KCNK6: variants seen among roughly 807,000 people sequenced by gnomAD.
The protein encoded by KCNK6 is potassium two pore domain channel subfamily K member 6.
Under a neutral mutation model 21.9 loss-of-function variants are expected in KCNK6, and 20 were observed. The ratio of observed to expected loss-of-function variants is 0.91; its 90% CI spans 0.64 to 1.32. KCNK6 has a LOEUF of 1.32. KCNK6 is among the 40% of genes most tolerant of loss of function. The pLI, the probability that KCNK6 is intolerant of heterozygous loss-of-function variation, is 0.00. For synonymous variants in KCNK6, 210 were observed against 218.0 expected (o/e 0.96, Z 0.32); for missense variants, 415 against 433.1 (o/e 0.96, Z 0.37).
chr19:38,320,290 C>A lies in KCNK6; in HGVS notation c.322+18C>A, dbSNP rs750280781. 6.2e-7 allele frequency: 1 copy of A among 1,603,640 alleles called. No homozygotes were observed. Among genetic ancestry groups the A allele is most frequent in the East Asian group, 2.2e-5 (1 of 44,546 alleles). ...CACCGTGGGTACGTAAGCGCCTCACCGCAAGGCGGCGAGGACCCGGGATCC... is the reference window on the plus strand; with the variant it reads ...CACCGTGGGTACGTAAGCGCCTCACAGCAAGGCGGCGAGGACCCGGGATCC... On this transcript the variant is annotated intron_variant, in intron 1 of 2. Transcript: ENST00000263372.
chr19:38,320,130 C>A lies in KCNK6; in HGVS notation c.180C>A (p.Asp60Glu). 2 of 1,588,528 alleles carry A rather than the reference C, an allele frequency of 1.3e-6. No individual in the cohort carries two copies. The highest frequency in any genetic ancestry group is 1.7e-6 in the Non-Finnish European group (2 of 1,174,742). The change falls in exon 1 of 3, where the codon GAC becomes GAA. Residue 60 changes from aspartate to glutamate, a missense_variant. By Grantham distance (45) the Asp-to-Glu change is conservative. Transcript: ENST00000263372. ...RSPCVAAPAL[D>E]AFVERVLAAG... The stretch of plus-strand genomic sequence containing the variant: ...CGTGTGTGGCTGCCCCCGCCCTGGA[C>A]GCCTTCGTGGAGCGAGTGCTGGCGG...
chr19:38,321,530 C>T (rs1247229107), intron 1 of KCNK6, among the ~76,000 whole-genome samples: 1 of 152,240 alleles, frequency 6.6e-6, no homozygotes, highest in South Asian at 2.1e-4. Context: ...CCTGAGAAGC[C>T]AGACTTGGGA....
intron 1 of KCNK6, among the ~76,000 whole-genome samples, chr19:38,322,554 C>T (rs1181341981): frequency 2.0e-5 from 3 of 152,236 alleles, no homozygotes; most frequent in Non-Finnish European, 4.4e-5. Context: ...CAGTGGCTTA[C>T]GCCTATAATC....
intron 1 of KCNK6, chr19:38,325,586 T>C (rs1367841844): frequency 1.6e-5 from 15 of 963,232 alleles, no homozygotes; most frequent in East Asian, 1.1e-4. Flanking sequence ...CGGTAAACCA[T>C]AGAGCATGCT....
At chr19:38,323,287 T>C (rs895052941) in intron 1 of KCNK6, among the ~76,000 whole-genome samples, 1 of 152,194 alleles carries the variant, frequency 6.6e-6, no homozygotes, top group Non-Finnish European at 1.5e-5. Context: ...CTGATGTTTA[T>C]TGAGTTAATG....
In KCNK6 at chr19:38,327,482, A is replaced by C; in HGVS notation, c.*79A>C. 1 of 1,312,814 alleles carries C rather than the reference A, an allele frequency of 7.6e-7. No individual in the cohort carries two copies. Among genetic ancestry groups the C allele is most frequent in the Non-Finnish European group, 1.1e-6 (1 of 945,542 alleles). 81.3% of individuals were successfully genotyped at this position (1,312,814 alleles called of 1,614,324 possible). A position where few individuals can be genotyped will look rare whatever the true frequency, so the allele number is the denominator to read the frequency against. ...AGGCGACCAGAGCTGGCTGTACAGGAATGTCCACGAGCACAGCAGGTGATC... is the reference window on the plus strand; with the variant it reads ...AGGCGACCAGAGCTGGCTGTACAGGCATGTCCACGAGCACAGCAGGTGATC... On this transcript the variant is annotated 3_prime_UTR_variant, in exon 3 of 3. Coordinates refer to ENST00000263372, the MANE Select transcript of KCNK6 (RefSeq NM_004823.3).
In KCNK6 at chr19:38,331,626, GA is replaced by G. The variant is rs368082959; in HGVS notation, c.*4237del. ...GGAGACAGAGCGAGACTCCGTCTCA[GA>G]AAAAAAAAAAAAAGAAAAAAGTGTG... On this transcript the variant is annotated 3_prime_UTR_variant, in exon 3 of 3. Coordinates refer to ENST00000263372, the MANE Select transcript of KCNK6 (RefSeq NM_004823.3). 0.19 allele frequency: 24,549 copies of G among 128,390 alleles called. 2,244 individuals are homozygous for G. The highest frequency in any genetic ancestry group is 0.28 in the South Asian group (1,164 of 4,188). The allele number at this position is 128,390 out of a possible 1,614,324, so 8.0% of individuals were successfully genotyped here. A position where few individuals can be genotyped will look rare whatever the true frequency, so the allele number is the denominator to read the frequency against.
chr19:38,324,104 T>A lies in KCNK6; in HGVS notation c.323-2489T>A, dbSNP rs147571935. Among the ~76,000 whole-genome samples the A allele has an allele frequency of 6.1e-3, 930 of 152,174 alleles. 5 individuals carry two copies. Among genetic ancestry groups the A allele is most frequent in the East Asian group, 0.022 (112 of 5,174 alleles). Reference sequence around the variant, plus strand: ...AAAGATCTCTTTTATTATTATTATTTTTTTTTACAGAGATAGGGTCTTGCT... The same window carrying A: ...AAAGATCTCTTTTATTATTATTATTATTTTTTACAGAGATAGGGTCTTGCT... On this transcript the variant is annotated intron_variant, in intron 1 of 2. Transcript: ENST00000263372.
Position 38,327,602 on chromosome 19 carries a change from C to T in KCNK6, c.*199C>T. ...CCCTGTCCCCATGTCCCGGGCTCCA[C>T]TGGGCACCAACATAACCTTGTTCTC... On this transcript the variant is annotated 3_prime_UTR_variant, in exon 3 of 3. Coordinates refer to ENST00000263372, the MANE Select transcript of KCNK6 (RefSeq NM_004823.3). 1.7e-6 allele frequency: 1 copy of T among 601,342 alleles called. No homozygotes were observed. The highest frequency in any genetic ancestry group is 2.0e-5 in the South Asian group (1 of 50,672). The allele number at this position is 601,342 out of a possible 1,614,324, so 37.3% of individuals were successfully genotyped here.
In KCNK6 at chr19:38,326,564, T is replaced by C. The variant is rs1368936859; in HGVS notation, c.323-29T>C. On this transcript the variant is annotated intron_variant, in intron 1 of 2. Transcript: ENST00000263372. ...ACCCCCATCTCTAAAAAGAAAAAGATTTACCCTTTACTCTCTTTACTCCCC... is the reference window on the plus strand; with the variant it reads ...ACCCCCATCTCTAAAAAGAAAAAGACTTACCCTTTACTCTCTTTACTCCCC... 3.2e-6 allele frequency: 5 copies of C among 1,562,618 alleles called. No individual in the cohort carries two copies. In the South Asian group the frequency reaches 6.0e-5, roughly 19 times the overall value.
chr19:38,321,117 ACCT>A (rs1463023894), intron 1 of KCNK6, among the ~76,000 whole-genome samples: 1 of 151,872 alleles, frequency 6.6e-6, no homozygotes, highest in Non-Finnish European at 1.5e-5. Context: ...CCCCATCTCA[ACCT>A]CCTCCTGACC....
In KCNK6 at chr19:38,320,291, G is replaced by A. The variant is rs371193964; in HGVS notation, c.322+19G>A. ...ACCGTGGGTACGTAAGCGCCTCACCGCAAGGCGGCGAGGACCCGGGATCCC... is the reference window on the plus strand; with the variant it reads ...ACCGTGGGTACGTAAGCGCCTCACCACAAGGCGGCGAGGACCCGGGATCCC... On this transcript the variant is annotated intron_variant, in intron 1 of 2. Transcript: ENST00000263372. The A allele has an allele frequency of 6.2e-7, 1 of 1,603,244 alleles. No individual in the cohort carries two copies. The highest frequency in any genetic ancestry group is 8.5e-7 in the Non-Finnish European group (1 of 1,178,854).
rs1304505111 is a variant in KCNK6, at chr19:38,328,724, G to C, written c.*1321G>C. The stretch of plus-strand genomic sequence containing the variant: ...TAGCTGGGTGTGGTGGTGCATGCCT[G>C]TGATCCTGGCTACTTCAGAGGCTGA... On this transcript the variant is annotated 3_prime_UTR_variant, in exon 3 of 3. Coordinates refer to ENST00000263372, the MANE Select transcript of KCNK6 (RefSeq NM_004823.3). 1 of 152,056 alleles carries C rather than the reference G, an allele frequency of 6.6e-6. No individual in the cohort carries two copies. Among genetic ancestry groups the C allele is most frequent in the Non-Finnish European group, 1.5e-5 (1 of 68,054 alleles). The allele number at this position is 152,056 out of a possible 1,614,324, so 9.4% of individuals were successfully genotyped here.
intron 1 of KCNK6, among the ~76,000 whole-genome samples, chr19:38,322,364 T>C (rs1393990535): frequency 6.6e-6 from 1 of 152,222 alleles, no homozygotes. Flanking sequence ...ACTGTGAATA[T>C]AGCAAACACA....
chr19:38,327,468 G>A lies in KCNK6; in HGVS notation c.*65G>A. ...GGACTGAGGGGTCCAGGCGACCAGAGCTGGCTGTACAGGAATGTCCACGAG... is the reference window on the plus strand; with the variant it reads ...GGACTGAGGGGTCCAGGCGACCAGAACTGGCTGTACAGGAATGTCCACGAG... On this transcript the variant is annotated 3_prime_UTR_variant, in exon 3 of 3. Coordinates refer to ENST00000263372, the MANE Select transcript of KCNK6 (RefSeq NM_004823.3). The A allele has an allele frequency of 6.8e-7, 1 of 1,477,880 alleles. No homozygotes were observed. The highest frequency in any genetic ancestry group is 1.2e-5 in the South Asian group (1 of 84,648). 91.5% of individuals were successfully genotyped at this position (1,477,880 alleles called of 1,614,324 possible).
At position 38,327,569 on chromosome 19, in the gene KCNK6, G is replaced by A. The variant is rs1355864675; in HGVS notation, c.*166G>A. On this transcript the variant is annotated 3_prime_UTR_variant, in exon 3 of 3. Coordinates refer to ENST00000263372, the MANE Select transcript of KCNK6 (RefSeq NM_004823.3). ...CCAGCATCTGGCTGGGATGTGAAGG[G>A]CAGCACTCCCTGTCCCCATGTCCCG... 6 of 653,186 alleles carry A rather than the reference G, an allele frequency of 9.2e-6. No homozygotes were observed. Among genetic ancestry groups the A allele is most frequent in the Non-Finnish European group, 1.6e-5 (6 of 380,740 alleles). 40.5% of individuals were successfully genotyped at this position (653,186 alleles called of 1,614,324 possible). A position where few individuals can be genotyped will look rare whatever the true frequency, so the allele number is the denominator to read the frequency against.
chr19:38,321,319 T>C (rs1815197792), intron 1 of KCNK6, among the ~76,000 whole-genome samples: 1 of 152,196 alleles, frequency 6.6e-6, no homozygotes, highest in Admixed American at 6.5e-5. Flanking sequence ...CAGGCAACTC[T>C]GACCCCAGAC....
chr19:38,322,645 C>T (rs1468493186), intron 1 of KCNK6, among the ~76,000 whole-genome samples: 4 of 150,788 alleles, frequency 2.7e-5, no homozygotes, highest in South Asian at 2.1e-4. Context: ...GGTGAAACCC[C>T]GTCTACTAAA....
chr19:38,324,507 G>T (rs1375250570), intron 1 of KCNK6, among the ~76,000 whole-genome samples: 2 of 152,164 alleles, frequency 1.3e-5, no homozygotes, highest in African/African-American at 4.8e-5. Context: ...GTCCAAGATG[G>T]CTGTGTAGCT....
Sources: gnomAD v4.1 joint callset for allele counts (sites outside exome capture counted in the v4.1 genomes callset) on GRCh38, gnomAD v4.1.1 for gene constraint, MANE v1.5 for transcripts, NCBI Gene and HGNC (gene_info 2026-07-23, HGNC 2026-07-21) for gene names.